APH1B: variants seen among roughly 807,000 people sequenced by gnomAD.
APH1B encodes aph-1B gamma-secretase subunit, also known as gamma-secretase subunit APH-1B.
A neutral mutation model predicts 28.2 loss-of-function variants in APH1B; 27 were observed. That is an observed-to-expected ratio of 0.96 (90% confidence interval 0.70 to 1.32). The LOEUF is 1.32. Ranked by LOEUF, APH1B falls within the 40% of genes most tolerant of loss-of-function variation. The pLI is 0.00. For missense variants in APH1B, 305 were observed against 313.6 expected (o/e 0.97, Z 0.21); for synonymous variants, 141 against 124.6 (o/e 1.13, Z -0.88).
At chr15:63,298,740 T>C (rs1186639218) in intron 4 of APH1B, among the ~76,000 whole-genome samples, 1 of 152,168 alleles carries the variant, frequency 6.6e-6, no homozygotes, top group African/African-American at 2.4e-5. Flanking sequence ...TATCCCCATT[T>C]TAAAAATAAA....
At chr15:63,283,328 A>G (rs1291933767) in intron 2 of APH1B, among the ~76,000 whole-genome samples, 3 of 152,166 alleles carry the variant, frequency 2.0e-5, no homozygotes, top group Admixed American at 6.5e-5. Flanking sequence ...TCCGGGGCTC[A>G]AGCAATCCTC....
chr15:63,305,866 T>C lies in APH1B; in HGVS notation c.*85T>C, dbSNP rs2038682748. 6.7e-7 allele frequency: 1 copy of C among 1,483,572 alleles called. No individual in the cohort carries two copies. The highest frequency in any genetic ancestry group is 1.3e-5 in the South Asian group (1 of 75,360). 91.9% of individuals were successfully genotyped at this position (1,483,572 alleles called of 1,614,324 possible). On this transcript the variant is annotated 3_prime_UTR_variant, in exon 6 of 6. Transcript: ENST00000261879. The stretch of plus-strand genomic sequence containing the variant: ...GCCTTTTTCTGAAAATCCCTTTTTC[T>C]GGTGGAATTGAGAAAGAAATAAAAC...
At chr15:63,287,755 G>A (rs73445412) in intron 4 of APH1B, among the ~76,000 whole-genome samples, 110 of 152,256 alleles carry the variant, frequency 7.2e-4, no homozygotes, top group African/African-American at 2.1e-3. Flanking sequence ...TTTAGCTTGC[G>A]TAAAATTTTA....
chr15:63,303,874 AACACAC>A lies in APH1B; in HGVS notation c.606+1431_606+1436del, dbSNP rs113837395. 1.1e-3 allele frequency among the ~76,000 whole-genome samples: 162 copies of A among 145,696 alleles called. 4 individuals carry two copies. The highest frequency in any genetic ancestry group is 4.7e-3 in the South Asian group (21 of 4,486). ...TTGGTGAACACACACACACACACAC[AACACAC>A]ACACACACACACACACACACACACA... On this transcript the variant is annotated intron_variant, in intron 5 of 5. Coordinates refer to ENST00000261879, the MANE Select transcript of APH1B (RefSeq NM_031301.4).
At position 63,304,923 on chromosome 15, in the gene APH1B, T is replaced by G. The variant is rs79002216; in HGVS notation, c.607-691T>G. Among the ~76,000 whole-genome samples the G allele has an allele frequency of 5.5e-3, 837 of 152,334 alleles. 8 individuals are homozygous for G. Among genetic ancestry groups the G allele is most frequent in the African/African-American group, 0.019 (802 of 41,570 alleles). ...AGAAGAGCAGTCTTTCTGCATAAGG[T>G]GCTACCTGTAAAATCTACCACTTTC... On this transcript the variant is annotated intron_variant, in intron 5 of 5. Transcript: ENST00000261879. The surrounding 1 kb of genome is among the most constrained non-coding windows in gnomAD (Gnocchi z 5.1).
chr15:63,293,777 T>A (rs2038532380), intron 4 of APH1B, among the ~76,000 whole-genome samples: 1 of 152,204 alleles, frequency 6.6e-6, no homozygotes, highest in Admixed American at 6.5e-5. Context: ...TATTTGTTTA[T>A]GTTTTGAGAC....
In APH1B at chr15:63,277,844, A is replaced by G. The variant is rs1224627886; in HGVS notation, c.113+108A>G. ...GCGCGGCTCGACCTTGTTGCGTTTCAGACGGGAGGAGGGTTGAGAGGGGGA... is the reference window on the plus strand; with the variant it reads ...GCGCGGCTCGACCTTGTTGCGTTTCGGACGGGAGGAGGGTTGAGAGGGGGA... On this transcript the variant is annotated intron_variant, in intron 1 of 5. Coordinates refer to ENST00000261879, the MANE Select transcript of APH1B (RefSeq NM_031301.4). 66 of 1,082,186 alleles carry G rather than the reference A, an allele frequency of 6.1e-5. 1 individual carries two copies. The South Asian group carries it at 8.1e-4, about 13-fold the overall frequency. 67.0% of individuals were successfully genotyped at this position (1,082,186 alleles called of 1,614,324 possible).
chr15:63,282,385 A>G (rs563564010), intron 2 of APH1B, among the ~76,000 whole-genome samples: 119 of 152,328 alleles, frequency 7.8e-4, no homozygotes, highest in African/African-American at 2.8e-3. Context: ...CAATCTAATA[A>G]TAAATAATAG....
intron 4 of APH1B, among the ~76,000 whole-genome samples, chr15:63,296,866 G>A (rs1022828691): frequency 5.3e-5 from 8 of 152,090 alleles, no homozygotes; most frequent in African/African-American, 1.9e-4. Context: ...CACCATGTAG[G>A]CCAGGATGGT....
At chr15:63,292,561 G>A (rs1225772502) in intron 4 of APH1B, among the ~76,000 whole-genome samples, 1 of 151,048 alleles carries the variant, frequency 6.6e-6, no homozygotes, top group Non-Finnish European at 1.5e-5. Flanking sequence ...GCTAATTTTT[G>A]TATTTTTTGT....
At chr15:63,284,876 A>G (rs2038429651) in intron 2 of APH1B, among the ~76,000 whole-genome samples, 2 of 152,226 alleles carry the variant, frequency 1.3e-5, no homozygotes, top group African/African-American at 2.4e-5. Context: ...TTATCGAGGA[A>G]TTTATAGAAA....
At chr15:63,278,345 T>C in intron 1 of APH1B, 5 of 456,750 alleles carry the variant, frequency 1.1e-5, no homozygotes, top group South Asian at 7.7e-5. Flanking sequence ...CGTCTCCTTC[T>C]GGGAGCTTGG....
intron 1 of APH1B, chr15:63,278,333 T>G (rs1402851331): frequency 2.2e-6 from 1 of 456,736 alleles, no homozygotes; most frequent in African/African-American, 2.0e-5. Context: ...CACCTGACTG[T>G]GCGTCTCCTT....
chr15:63,293,368 T>C (rs940034964), intron 4 of APH1B, among the ~76,000 whole-genome samples: 1 of 152,084 alleles, frequency 6.6e-6, no homozygotes, highest in African/African-American at 2.4e-5. Flanking sequence ...GGTTTCACCA[T>C]GTAGGCCAGG....
intron 2 of APH1B, among the ~76,000 whole-genome samples, chr15:63,281,157 A>G (rs2038382089): frequency 6.6e-6 from 1 of 151,946 alleles, no homozygotes; most frequent in South Asian, 2.1e-4. Flanking sequence ...AACAAGCAAA[A>G]ACAAAAACTC....
Position 63,307,983 on chromosome 15 carries a change from G to A in APH1B, c.*2202G>A, listed in dbSNP as rs1008145317. 6.6e-6 allele frequency: 1 copy of A among 152,150 alleles called. No homozygotes were observed. Among genetic ancestry groups the A allele is most frequent in the Non-Finnish European group, 1.5e-5 (1 of 68,022 alleles). 9.4% of individuals were successfully genotyped at this position (152,150 alleles called of 1,614,324 possible). ...ATCGTAAAACATGAGCCTTTCCAGAGTCAGCTTAGACACTGTTGTCGCAAA... is the reference window on the plus strand; with the variant it reads ...ATCGTAAAACATGAGCCTTTCCAGAATCAGCTTAGACACTGTTGTCGCAAA... On this transcript the variant is annotated 3_prime_UTR_variant, in exon 6 of 6. Transcript: ENST00000261879.
intron 2 of APH1B, among the ~76,000 whole-genome samples, chr15:63,280,080 G>A (rs781389084): frequency 1.3e-5 from 2 of 152,126 alleles, no homozygotes; most frequent in Non-Finnish European, 2.9e-5. Context: ...TTACAGGCCT[G>A]AGCCACCACA....
chr15:63,296,488 A>T (rs1412182400), intron 4 of APH1B, among the ~76,000 whole-genome samples: 1 of 152,210 alleles, frequency 6.6e-6, no homozygotes, highest in Non-Finnish European at 1.5e-5. Flanking sequence ...GGAAGCCAGT[A>T]TTAGACGCAA....
chr15:63,308,208 G>A lies in APH1B; in HGVS notation c.*2427G>A, dbSNP rs2038706794. ...CCTTCCATTCAGGATTTTCTGCTTG[G>A]AGGGAAATATGTTGACCTTAGAGAA... On this transcript the variant is annotated 3_prime_UTR_variant, in exon 6 of 6. Transcript: ENST00000261879. 6.6e-6 allele frequency: 1 copy of A among 152,068 alleles called. No homozygotes were observed. The allele number at this position is 152,068 out of a possible 1,614,324, so 9.4% of individuals were successfully genotyped here. A position where few individuals can be genotyped will look rare whatever the true frequency, so the allele number is the denominator to read the frequency against.
Sources: allele counts gnomAD v4.1 joint callset (sites outside exome capture counted in the v4.1 genomes callset), GRCh38; gene constraint gnomAD v4.1.1; non-coding constraint Gnocchi (gnomAD v3.1); transcripts MANE v1.5; gene names NCBI Gene and HGNC (gene_info 2026-07-23, HGNC 2026-07-21).